CADPS: variants seen among roughly 807,000 people sequenced by gnomAD.
CADPS encodes calcium dependent secretion activator.
In CADPS, 57 loss-of-function variants were observed where a neutral mutation model predicts 167.3. That is an observed-to-expected ratio of 0.34 (90% CI 0.28 to 0.42). The LOEUF (loss-of-function observed/expected upper bound fraction) is 0.42, where lower values mean the gene tolerates loss of function less well. Among genes scored for constraint, CADPS ranks in the 20% least tolerant of loss-of-function variants. CADPS has a pLI of 1.00. For synonymous variants in CADPS, 676 were observed against 635.3 expected, an observed-to-expected ratio of 1.06 and a Z score of -0.96; for missense variants, 1,414 against 1,738.1, an observed-to-expected ratio of 0.81 and a Z score of 3.32.
At chr3:62,525,338 T>G (rs1286765624) in intron 13 of CADPS, among the ~76,000 whole-genome samples, 1 of 152,102 alleles carries the variant, frequency 6.6e-6, no homozygotes, top group African/African-American at 2.4e-5. Flanking sequence ...AAAATTTGTT[T>G]GAAAATTTTT....
At chr3:62,620,989 C>G (rs1321935933) in intron 6 of CADPS, among the ~76,000 whole-genome samples, 1 of 152,152 alleles carries the variant, frequency 6.6e-6, no homozygotes, top group Non-Finnish European at 1.5e-5. Flanking sequence ...TTGTGTAATG[C>G]TCTGGCAGTC....
chr3:62,765,546 A>G lies in CADPS; in HGVS notation c.555+325T>C, dbSNP rs1480163742. The stretch of plus-strand genomic sequence containing the variant: ...ATAGCTGTGTGACCTTGAGTAATTA[A>G]TTTAACCTATCTGAGCCTCAGCCTC... On this transcript the variant is annotated intron_variant, in intron 2 of 29. Coordinates refer to ENST00000383710, the MANE Select transcript of CADPS (RefSeq NM_003716.4). 5.3e-5 allele frequency among the ~76,000 whole-genome samples: 8 copies of G among 152,180 alleles called. No individual in the cohort carries two copies. In the East Asian group the frequency reaches 1.5e-3, roughly 29 times the overall value.
chr3:62,541,281 T>C (rs1253317388), intron 11 of CADPS, among the ~76,000 whole-genome samples: 1 of 152,184 alleles, frequency 6.6e-6, no homozygotes, highest in East Asian at 1.9e-4. Flanking sequence ...GTACTGACAG[T>C]GAGCTATATG....
chr3:62,476,263 G>A (rs1430878694), intron 23 of CADPS, among the ~76,000 whole-genome samples: 1 of 152,168 alleles, frequency 6.6e-6, no homozygotes, highest in Admixed American at 6.6e-5. Flanking sequence ...CACAGAATCT[G>A]TTCTACCAAG....
At chr3:62,773,363 A>T (rs150361998) in intron 1 of CADPS, among the ~76,000 whole-genome samples, 3,458 of 152,232 alleles carry the variant, frequency 0.023, 64 homozygotes, top group South Asian at 0.06. Flanking sequence ...AAGGCATTTT[A>T]AGTGACTTTT....
Position 62,438,615 on chromosome 3 carries a change from G to A in CADPS, c.3670-404C>T, listed in dbSNP as rs1356974917. ...GTCCTTAATATATTATCAGACGGGT[G>A]ATGGAACTTCCCATTCCTTTTTCCT... On this transcript the variant is annotated intron_variant, in intron 27 of 29. Coordinates refer to ENST00000383710, the MANE Select transcript of CADPS (RefSeq NM_003716.4). The surrounding 1 kb of genome is among the most constrained non-coding windows in gnomAD (Gnocchi z 4.7). 6.1e-6 allele frequency: 1 copy of A among 163,230 alleles called. No homozygotes were observed. Among genetic ancestry groups the A allele is most frequent in the Non-Finnish European group, 1.3e-5 (1 of 75,788 alleles). 10.1% of individuals were successfully genotyped at this position (163,230 alleles called of 1,614,324 possible).
chr3:62,621,792 C>T (rs370514756), intron 6 of CADPS, among the ~76,000 whole-genome samples: 45 of 152,166 alleles, frequency 3.0e-4, no homozygotes, highest in Middle Eastern at 3.4e-3. Context: ...TCTATACCTC[C>T]GTGAGTTCCC....
At chr3:62,495,619 T>C (rs1426783772) in intron 18 of CADPS, among the ~76,000 whole-genome samples, 1 of 152,210 alleles carries the variant, frequency 6.6e-6, no homozygotes, top group East Asian at 1.9e-4. Flanking sequence ...ACAGTCTACA[T>C]CAAACACACT....
intron 1 of CADPS, among the ~76,000 whole-genome samples, chr3:62,803,332 C>CT (rs57928697): frequency 0.027 from 3,834 of 139,598 alleles, 64 homozygotes; most frequent in South Asian, 0.058. Context: ...GAGATGCTTC[C>CT]TTTTTTTTTT....
intron 17 of CADPS, among the ~76,000 whole-genome samples, chr3:62,501,639 G>T (rs940183144): frequency 6.6e-6 from 1 of 152,108 alleles, no homozygotes; most frequent in Non-Finnish European, 1.5e-5. Flanking sequence ...AAAATAGAGA[G>T]CTTTGTCCTT....
chr3:62,774,753 G>A (rs916707949), intron 1 of CADPS, among the ~76,000 whole-genome samples: 7 of 152,150 alleles, frequency 4.6e-5, no homozygotes, highest in Non-Finnish European at 1.0e-4. Flanking sequence ...CATTCAATCT[G>A]TTGTGAAATG....
chr3:62,747,909 C>T (rs1386372035), intron 3 of CADPS, among the ~76,000 whole-genome samples: 1 of 152,094 alleles, frequency 6.6e-6, no homozygotes, highest in African/African-American at 2.4e-5. Flanking sequence ...CCAGAAATGG[C>T]ATTTTCAAAG....
At chr3:62,720,769 A>G (rs946316158) in intron 3 of CADPS, among the ~76,000 whole-genome samples, 2 of 149,342 alleles carry the variant, frequency 1.3e-5, no homozygotes, top group Non-Finnish European at 3.0e-5. Context: ...AAGCCCACAT[A>G]TTGTTAATCA....
chr3:62,652,901 T>C (rs901579299), intron 4 of CADPS, among the ~76,000 whole-genome samples: 1 of 152,182 alleles, frequency 6.6e-6, no homozygotes, highest in Non-Finnish European at 1.5e-5. Context: ...TTTTCTTCCT[T>C]GCCATCTCAC....
chr3:62,778,780 G>A (rs1576293596), intron 1 of CADPS, among the ~76,000 whole-genome samples: 1 of 152,146 alleles, frequency 6.6e-6, no homozygotes, highest in South Asian at 2.1e-4. Context: ...CTTGCTGAAC[G>A]AACTCAACTA....
intron 24 of CADPS, among the ~76,000 whole-genome samples, chr3:62,472,885 C>A (rs1486572640): frequency 6.6e-6 from 1 of 152,220 alleles, no homozygotes; most frequent in Non-Finnish European, 1.5e-5. Context: ...GTCAGGTTTA[C>A]ATACTGAGTA....
At chr3:62,506,977 C>T (rs756069711) in intron 17 of CADPS, among the ~76,000 whole-genome samples, 11 of 152,198 alleles carry the variant, frequency 7.2e-5, no homozygotes, top group Non-Finnish European at 7.3e-5. Flanking sequence ...AACACATGAA[C>T]ATTTTTCATT....
intron 24 of CADPS, among the ~76,000 whole-genome samples, chr3:62,468,404 A>G (rs1054629396): frequency 2.0e-5 from 3 of 152,206 alleles, no homozygotes; most frequent in African/African-American, 7.2e-5. Context: ...AAAGAAGAAC[A>G]TCATTGAGAA....
At chr3:62,499,666 G>GT (rs1321186343) in intron 17 of CADPS, 1 of 154,380 alleles carries the variant, frequency 6.5e-6, no homozygotes, top group Non-Finnish European at 1.4e-5. Flanking sequence ...TGTTACATTT[G>GT]TTTTTTAGAT....
Sources: gnomAD v4.1 joint callset for allele counts (sites outside exome capture counted in the v4.1 genomes callset) on GRCh38, gnomAD v4.1.1 for gene constraint, Gnocchi (gnomAD v3.1) non-coding constraint, MANE v1.5 for transcripts, NCBI Gene and HGNC (gene_info 2026-07-23, HGNC 2026-07-21) for gene names.